Variants in RNF157 observed in about 807,000 individuals in gnomAD.
RNF157 encodes E3 ubiquitin ligase RNF157.
A neutral mutation model predicts 88.3 loss-of-function variants in RNF157; 55 were observed. The observed-to-expected ratio is 0.62, with a 90% CI of 0.50 to 0.78. RNF157 has a LOEUF of 0.78. Ranked by LOEUF, RNF157 falls within the 30% of genes least tolerant of loss-of-function variation. The pLI, the probability that RNF157 is intolerant of heterozygous loss-of-function variation, is 0.00. For missense variants in RNF157, 788 were observed against 860.8 expected (o/e 0.92, Z 1.06); for synonymous variants, 334 against 341.2 (o/e 0.98, Z 0.23).
intron 1 of RNF157, among the ~76,000 whole-genome samples, chr17:76,231,198 C>T (rs1365309866): frequency 6.6e-6 from 1 of 152,042 alleles, no homozygotes; most frequent in East Asian, 1.9e-4. Flanking sequence ...AGGGTTTCAC[C>T]GTGTTAGCCA....
chr17:76,155,340 C>T (rs377556118), intron 15 of RNF157, 23 bp from the exon 16 acceptor site: 62 of 1,611,190 alleles, frequency 3.8e-5, no homozygotes, highest in Middle Eastern at 1.6e-4. Flanking sequence ...ACAGTTTTTA[C>T]AGGCTCTTCC....
In RNF157 at chr17:76,212,423, C is replaced by T; in HGVS notation, c.148G>A (p.Glu50Lys). 1 of 1,613,980 alleles carries T rather than the reference C, an allele frequency of 6.2e-7. No homozygotes were observed. Among genetic ancestry groups the T allele is most frequent in the Non-Finnish European group, 8.5e-7 (1 of 1,179,958 alleles). The change falls in exon 2 of 19, where the codon GAA (glutamate) becomes AAA (lysine). Residue 50 changes from glutamate to lysine, a missense_variant. Coordinates refer to ENST00000269391, the MANE Select transcript of RNF157 (RefSeq NM_052916.3). Reference protein sequence around the residue: ...GGEKFDSTHPEGYLFGENSDL... With the variant: ...GGEKFDSTHPKGYLFGENSDL... ...CTGTTCTCTCCAAACAGGTAACCTT[C>T]AGGATGAGTTGAGTCAAACTTCTCT...
At chr17:76,239,910 C>T (rs2145099188) in intron 1 of RNF157, among the ~76,000 whole-genome samples, 1 of 152,312 alleles carries the variant, frequency 6.6e-6, no homozygotes, top group East Asian at 1.9e-4. Flanking sequence ...CCCGTCCTCC[C>T]GTGGAGGGGC....
chr17:76,161,984 T>C lies in RNF157; in HGVS notation c.811A>G (p.Ser271Gly), dbSNP rs1330128334. Residue 271 changes from serine to glycine, a missense_variant, in exon 10 of 19, where the codon AGT becomes GGT. By Grantham distance (56) the Ser-to-Gly change is moderately conservative. Coordinates refer to ENST00000269391, the MANE Select transcript of RNF157 (RefSeq NM_052916.3). The surrounding 1 kb of genome is among the most constrained non-coding windows in gnomAD (Gnocchi z 4.6). ...ACCACACACTCGGCACTGTTATCAC[T>C]CACTTCGTCTTCAGCCACCTGGCCA... is the stretch of plus-strand genomic sequence containing the variant. ...QDSKVAEDEV[S>G]DNSAECVVCL... 5 of 1,613,784 alleles carry C rather than the reference T, an allele frequency of 3.1e-6. No homozygotes were observed. The African/African-American group carries it at 6.7e-5, about 22-fold the overall frequency.
chr17:76,188,496 T>C (rs2144934653), intron 2 of RNF157, among the ~76,000 whole-genome samples: 1 of 152,270 alleles, frequency 6.6e-6, no homozygotes, highest in South Asian at 2.1e-4. Context: ...AATAAATAGG[T>C]GTCTTAGCAT....
intron 1 of RNF157, among the ~76,000 whole-genome samples, chr17:76,230,894 AAG>A (rs146245620): frequency 2.1e-5 from 3 of 142,454 alleles, no homozygotes. Flanking sequence ...GAAAGAGAGA[AAG>A]AGAGAGAGAG....
At chr17:76,167,259 A>G in intron 4 of RNF157, 133 bp from the exon 5 acceptor site, 1 of 724,872 alleles carries the variant, frequency 1.4e-6, no homozygotes, top group Non-Finnish European at 2.3e-6. Context: ...TTTATAATCC[A>G]TTTCCTTTGC....
At chr17:76,148,546 C>T (rs969338520) in intron 18 of RNF157, among the ~76,000 whole-genome samples, 6 of 148,598 alleles carry the variant, frequency 4.0e-5, no homozygotes, top group African/African-American at 1.2e-4. Flanking sequence ...GGATTACAGG[C>T]GGGAGCCACC....
intron 1 of RNF157, chr17:76,226,732 C>T: frequency 6.2e-7 from 1 of 1,609,072 alleles, no homozygotes; most frequent in Non-Finnish European, 8.5e-7. Context: ...CTTCAGCCCC[C>T]AAACCCGACT....
chr17:76,154,916 G>A (rs1452750551), intron 16 of RNF157, among the ~76,000 whole-genome samples: 1 of 152,158 alleles, frequency 6.6e-6, no homozygotes, highest in Non-Finnish European at 1.5e-5. Context: ...CCTAGCACCA[G>A]TAGAGCACCT....
intron 2 of RNF157, among the ~76,000 whole-genome samples, chr17:76,187,511 G>T (rs1057039554): frequency 7.9e-5 from 12 of 152,094 alleles, no homozygotes; most frequent in African/African-American, 2.9e-4. Context: ...AGTTAATCCT[G>T]TGGTATAGAA....
intron 2 of RNF157, among the ~76,000 whole-genome samples, chr17:76,200,269 CA>C (rs896243963): frequency 4.6e-5 from 7 of 151,044 alleles, no homozygotes; most frequent in Non-Finnish European, 7.4e-5. Flanking sequence ...AAACAAAAAC[CA>C]AAAAAAACCG....
intron 1 of RNF157, among the ~76,000 whole-genome samples, chr17:76,229,883 A>T (rs1438728329): frequency 6.6e-6 from 1 of 152,252 alleles, no homozygotes; most frequent in African/African-American, 2.4e-5. Flanking sequence ...GGAAGGAGAC[A>T]TTAGGACAAA....
chr17:76,174,076 T>A lies in RNF157; in HGVS notation c.208-286A>T, dbSNP rs8071198. ...TGTTCAAAACCTGGAGAATTAATAA[T>A]AAAAAAAAAAACCGCTGAAGTTCCA... On this transcript the variant is annotated intron_variant, in intron 2 of 18. Transcript: ENST00000269391. Among the ~76,000 whole-genome samples the A allele has an allele frequency of 0.33, 48,490 of 147,720 alleles. 9,362 individuals carry two copies. The highest frequency in any genetic ancestry group is 0.55 in the African/African-American group (22,402 of 40,666).
At chr17:76,207,333 A>G in intron 2 of RNF157, among the ~76,000 whole-genome samples, 1 of 152,176 alleles carries the variant, frequency 6.6e-6, no homozygotes, top group Non-Finnish European at 1.5e-5. Context: ...TGAGGCAGGC[A>G]GATCATTTAA....
intron 7 of RNF157, 149 bp downstream of exon 7, chr17:76,165,353 T>C: frequency 1.3e-6 from 1 of 746,056 alleles, no homozygotes; most frequent in Non-Finnish European, 2.4e-6. Context: ...GGTGGTGCCA[T>C]CTCAGCTCAC....
At chr17:76,190,170 CTT>C (rs71161273) in intron 2 of RNF157, among the ~76,000 whole-genome samples, 22 of 123,474 alleles carry the variant, frequency 1.8e-4, no homozygotes, top group Non-Finnish European at 2.8e-4. Context: ...CTTGCTCTCT[CTT>C]TTTTTTTTTT....
At chr17:76,220,060 G>A (rs1039258680) in intron 1 of RNF157, among the ~76,000 whole-genome samples, 1 of 152,038 alleles carries the variant, frequency 6.6e-6, no homozygotes, top group Non-Finnish European at 1.5e-5. Flanking sequence ...CCACTGAAAA[G>A]GCCTAGAAAC....
chr17:76,210,511 A>G (rs188584924), intron 2 of RNF157, among the ~76,000 whole-genome samples: 18,246 of 137,494 alleles, frequency 0.13, 1,300 homozygotes, highest in Admixed American at 0.22. Flanking sequence ...AATGGCGTGA[A>G]CCCGGGAGGC....
Sources: allele counts gnomAD v4.1 joint callset (sites outside exome capture counted in the v4.1 genomes callset), GRCh38; gene constraint gnomAD v4.1.1; non-coding constraint Gnocchi (gnomAD v3.1); transcripts MANE v1.5; gene names NCBI Gene and HGNC (gene_info 2026-07-23, HGNC 2026-07-21).